Variants in EXOC4 observed in about 807,000 individuals in gnomAD.
EXOC4 encodes exocyst complex component 4.
In EXOC4, 71 loss-of-function variants were observed where a neutral mutation model predicts 107.2. The ratio of observed to expected loss-of-function variants is 0.66; its 90% CI spans 0.55 to 0.81. EXOC4 has a LOEUF of 0.81. Ranked by LOEUF, EXOC4 falls within the 30% of genes least tolerant of loss-of-function variation. The pLI is 0.00. For synonymous variants in EXOC4, 456 were observed against 441.2 expected (o/e 1.03, Z -0.42); for missense variants, 1,108 against 1,189.6 (o/e 0.93, Z 1.01).
At chr7:133,266,324 TC>T (rs1793730372) in intron 1 of EXOC4, among the ~76,000 whole-genome samples, 1 of 152,136 alleles carries the variant, frequency 6.6e-6, no homozygotes, top group South Asian at 2.1e-4. Context: ...AGGCTGTGTA[TC>T]CAAATACAGT....
chr7:133,579,702 T>C (rs562878845), intron 9 of EXOC4, among the ~76,000 whole-genome samples: 14 of 130,194 alleles, frequency 1.1e-4, no homozygotes, highest in African/African-American at 2.2e-4. Flanking sequence ...TTTTTTTTTT[T>C]CTTGAGATGG....
At chr7:133,961,661 G>A (rs1216312870) in intron 14 of EXOC4, among the ~76,000 whole-genome samples, 1 of 152,106 alleles carries the variant, frequency 6.6e-6, no homozygotes, top group East Asian at 1.9e-4. Flanking sequence ...TAAGGTACAT[G>A]GTAATGTCAC....
intron 5 of EXOC4, among the ~76,000 whole-genome samples, chr7:133,324,095 T>C (rs1206524641): frequency 2.6e-5 from 4 of 152,216 alleles, no homozygotes; most frequent in African/African-American, 9.6e-5. Context: ...GTTTGATTCT[T>C]CTCTCTTTTT....
chr7:133,487,792 C>G (rs1409668895), intron 9 of EXOC4, among the ~76,000 whole-genome samples: 2 of 152,080 alleles, frequency 1.3e-5, no homozygotes, highest in African/African-American at 4.8e-5. Flanking sequence ...AATGATGCAA[C>G]AGGGAAATTT....
At chr7:133,825,362 C>G (rs941895510) in intron 11 of EXOC4, among the ~76,000 whole-genome samples, 3 of 151,954 alleles carry the variant, frequency 2.0e-5, no homozygotes, top group African/African-American at 7.3e-5. Flanking sequence ...GAGACTCTGT[C>G]TCTAAAAATA....
At chr7:133,878,283 A>G (rs1585217402) in intron 11 of EXOC4, among the ~76,000 whole-genome samples, 1 of 152,234 alleles carries the variant, frequency 6.6e-6, no homozygotes, top group African/African-American at 2.4e-5. Flanking sequence ...GATTCCATCT[A>G]GGACCATAAT....
intron 7 of EXOC4, among the ~76,000 whole-genome samples, chr7:133,408,121 G>C (rs1021586704): frequency 1.3e-5 from 2 of 151,950 alleles, no homozygotes; most frequent in Admixed American, 1.3e-4. Context: ...TAGAGATGTT[G>C]GTGGTGATAA....
intron 7 of EXOC4, among the ~76,000 whole-genome samples, chr7:133,392,154 T>A (rs1563048627): frequency 6.6e-6 from 1 of 152,194 alleles, no homozygotes; most frequent in Admixed American, 6.5e-5. Context: ...CCTGACAGAA[T>A]TGAATGTGTA....
chr7:134,001,818 T>C (rs547439492), intron 15 of EXOC4, among the ~76,000 whole-genome samples: 105 of 152,356 alleles, frequency 6.9e-4, no homozygotes, highest in Admixed American at 2.7e-3. Context: ...GTGGAGTGCC[T>C]GTAATGTGGG....
At chr7:133,665,680 C>T (rs548029537) in intron 10 of EXOC4, among the ~76,000 whole-genome samples, 1 of 152,202 alleles carries the variant, frequency 6.6e-6, no homozygotes, top group South Asian at 2.1e-4. Flanking sequence ...AACACATTTC[C>T]TTCCTGCCCT....
chr7:133,570,142 G>A (rs767591886), intron 9 of EXOC4, among the ~76,000 whole-genome samples: 1 of 152,152 alleles, frequency 6.6e-6, no homozygotes, highest in Non-Finnish European at 1.5e-5. Flanking sequence ...AATATATAAT[G>A]TATAATAGTT....
intron 10 of EXOC4, among the ~76,000 whole-genome samples, chr7:133,815,356 C>T (rs547136933): frequency 2.5e-4 from 36 of 141,484 alleles, no homozygotes; most frequent in East Asian, 6.3e-4. Flanking sequence ...TCCTGGGTGA[C>T]GGAGTAAGAC....
At chr7:133,811,556 C>A (rs1797231021) in intron 10 of EXOC4, among the ~76,000 whole-genome samples, 2 of 152,112 alleles carry the variant, frequency 1.3e-5, no homozygotes, top group Admixed American at 6.5e-5. Flanking sequence ...GGAAATAATT[C>A]AACAGAAGCA....
At chr7:133,950,117 T>C (rs537201623) in intron 14 of EXOC4, among the ~76,000 whole-genome samples, 1 of 152,292 alleles carries the variant, frequency 6.6e-6, no homozygotes, top group South Asian at 2.1e-4. Context: ...TGAAGCCTGA[T>C]GTAGTTAGAA....
At chr7:133,504,012 TACAC>T (rs754234645) in intron 9 of EXOC4, among the ~76,000 whole-genome samples, 2 of 151,824 alleles carry the variant, frequency 1.3e-5, no homozygotes, top group Non-Finnish European at 2.9e-5. Context: ...TATGTATACA[TACAC>T]ACACGTATAC....
chr7:134,006,751 A>G (rs979584302), intron 16 of EXOC4, among the ~76,000 whole-genome samples: 1 of 152,200 alleles, frequency 6.6e-6, no homozygotes, highest in African/African-American at 2.4e-5. Flanking sequence ...GCTAGCATCC[A>G]AGAATAAGAA....
chr7:133,864,725 G>T (rs1383345064), intron 11 of EXOC4, among the ~76,000 whole-genome samples: 1 of 152,136 alleles, frequency 6.6e-6, no homozygotes, highest in East Asian at 1.9e-4. Flanking sequence ...GCCAGAAAGG[G>T]AAACAAGCAT....
chr7:133,300,459 G>T (rs1794617627), intron 3 of EXOC4, among the ~76,000 whole-genome samples: 1 of 152,166 alleles, frequency 6.6e-6, no homozygotes, highest in Admixed American at 6.5e-5. Context: ...ACCCTTGAAT[G>T]AATCCCCTTT....
At chr7:133,518,734 G>A (rs1028549945) in intron 9 of EXOC4, among the ~76,000 whole-genome samples, 14 of 152,238 alleles carry the variant, frequency 9.2e-5, no homozygotes, top group South Asian at 2.1e-4. Context: ...ATACAGTCGC[G>A]AAAGGACAAA....
Sources: gnomAD v4.1 joint callset for allele counts (sites outside exome capture counted in the v4.1 genomes callset) on GRCh38, gnomAD v4.1.1 for gene constraint, MANE v1.5 for transcripts, NCBI Gene and HGNC (gene_info 2026-07-23, HGNC 2026-07-21) for gene names.